Variants in TEX35 observed in about 807,000 individuals in gnomAD.
The protein encoded by TEX35 is testis expressed 35, also known as testis-expressed protein 35.
Under a neutral mutation model 31.9 loss-of-function variants are expected in TEX35, and 26 were observed. The observed-to-expected ratio is 0.81, with a 90% CI of 0.60 to 1.13. The LOEUF is 1.13. TEX35 is among the 50% of genes most tolerant of loss of function. The probability of loss-of-function intolerance (pLI) is 0.00; values close to 1 mark genes in which losing one functional copy is unlikely to be tolerated. For missense variants in TEX35, 278 were observed against 273.5 expected (o/e 1.02, Z -0.12); for synonymous variants, 87 against 90.7 (o/e 0.96, Z 0.23).
rs752447514 is a variant in TEX35, at chr1:178,514,760, G to A, written c.151G>A (p.Asp51Asn). 10 of 1,613,708 alleles carry A rather than the reference G, an allele frequency of 6.2e-6. No individual in the cohort carries two copies. The South Asian group carries it at 7.7e-5, about 12-fold the overall frequency. Residue 51 changes from aspartate (D) to asparagine (N), a missense_variant, in exon 3 of 9, where the codon GAC becomes AAC. Coordinates refer to ENST00000319416, the MANE Select transcript of TEX35 (RefSeq NM_032126.5). The part of the protein sequence containing the change: ...GRFTKAGVTQ[D>N]LKNELREVRE... ...GTTTACCAAAGCAGGAGTGACACAG[G>A]ACCTAAAGGTGAGTGCGTGAACTTG...
At chr1:178,514,302 G>A in intron 2 of TEX35, 1 of 1,428,848 alleles carries the variant, frequency 7.0e-7, no homozygotes, top group Non-Finnish European at 9.3e-7. Flanking sequence ...TGGGAATCAA[G>A]ACAGGGAGAC....
At chr1:178,514,577 C>T in intron 2 of TEX35, 123 bp from the exon 3 acceptor site, 1 of 937,236 alleles carries the variant, frequency 1.1e-6, no homozygotes, top group Non-Finnish European at 1.6e-6. Context: ...GGTGGGGCCA[C>T]CAGCTTTCCT....
intron 8 of TEX35, 88 bp downstream of exon 8, chr1:178,521,352 C>T: frequency 2.1e-6 from 3 of 1,453,400 alleles, no homozygotes; most frequent in Admixed American, 1.7e-5. Flanking sequence ...ATTCACATCA[C>T]ACCCCTCCTG....
Position 178,522,465 on chromosome 1 carries a change from G to C in TEX35, c.*25G>C. ...AAGCTTAACTGCCAGCTTGAAATGA[G>C]AGTAAAGAAGATACAGAGCAAACAG... On this transcript the variant is annotated 3_prime_UTR_variant, in exon 9 of 9. Transcript: ENST00000319416. 1 of 1,563,618 alleles carries C rather than the reference G, an allele frequency of 6.4e-7. No homozygotes were observed. Among genetic ancestry groups the C allele is most frequent in the Non-Finnish European group, 8.7e-7 (1 of 1,152,074 alleles).
chr1:178,515,842 C>T lies in TEX35; in HGVS notation c.160-17C>T. ...GATATTTCTTTCCTCCTTCTCTTCT[C>T]CATTTTATTTCCTCAGAATGAACTC... On this transcript the variant is annotated splice_polypyrimidine_tract_variant and intron_variant, in intron 3 of 8. Coordinates refer to ENST00000319416, the MANE Select transcript of TEX35 (RefSeq NM_032126.5). 6.2e-6 allele frequency: 10 copies of T among 1,603,948 alleles called. No homozygotes were observed. The highest frequency in any genetic ancestry group is 8.5e-6 in the Non-Finnish European group (10 of 1,172,786).
chr1:178,515,411 C>T (rs899608657), intron 3 of TEX35, among the ~76,000 whole-genome samples: 1 of 151,528 alleles, frequency 6.6e-6, no homozygotes, highest in Non-Finnish European at 1.5e-5. Flanking sequence ...GGGACATTGA[C>T]ATTTTTACAG....
chr1:178,516,124 G>T (rs539310792), intron 4 of TEX35, among the ~76,000 whole-genome samples: 1 of 152,204 alleles, frequency 6.6e-6, no homozygotes, highest in East Asian at 1.9e-4. Flanking sequence ...ACTCCCTAAA[G>T]TGTCTCTTTG....
At position 178,514,295 on chromosome 1, in the gene TEX35, G is replaced by A. The variant is rs1649989703; in HGVS notation, c.90+218G>A. The stretch of plus-strand genomic sequence containing the variant: ...TCAGCAGTGTTACCTGCTCTGCTGG[G>A]AATCAAGACAGGGAGACATGTCTGA... On this transcript the variant is annotated intron_variant, in intron 2 of 8. Coordinates refer to ENST00000319416, the MANE Select transcript of TEX35 (RefSeq NM_032126.5). 4 of 1,444,094 alleles carry A rather than the reference G, an allele frequency of 2.8e-6. No homozygotes were observed. In the South Asian group the frequency reaches 4.3e-5, roughly 16 times the overall value. The allele number at this position is 1,444,094 out of a possible 1,614,324, so 89.5% of individuals were successfully genotyped here.
rs1650247543 is a variant in TEX35, at chr1:178,520,880, T to C, written c.543+6T>C. On this transcript the variant is annotated splice_donor_region_variant and intron_variant, in intron 7 of 8. Transcript: ENST00000319416. ...ATCACTGTGGGACCTGCTGCGTAAGTGAAACCCTGCCCGAGCCCAGCACTG... is the reference window on the plus strand; with the variant it reads ...ATCACTGTGGGACCTGCTGCGTAAGCGAAACCCTGCCCGAGCCCAGCACTG... 1.2e-6 allele frequency: 2 copies of C among 1,613,944 alleles called. No individual in the cohort carries two copies. The highest frequency in any genetic ancestry group is 1.7e-6 in the Non-Finnish European group (2 of 1,180,004).
intron 8 of TEX35, chr1:178,521,466 A>G: frequency 9.9e-7 from 1 of 1,013,246 alleles, no homozygotes; most frequent in East Asian, 2.6e-5. Context: ...CCCAGCCTAG[A>G]GGCTGCTGCC....
chr1:178,514,160 A>G (rs747079642), intron 2 of TEX35, 83 bp downstream of exon 2: 4 of 1,609,964 alleles, frequency 2.5e-6, no homozygotes, highest in Non-Finnish European at 3.4e-6. Flanking sequence ...TCATTTGCTG[A>G]TCCTAGTGGC....
intron 8 of TEX35, chr1:178,521,966 C>A: frequency 1.1e-6 from 1 of 918,924 alleles, no homozygotes; most frequent in Non-Finnish European, 1.6e-6. Context: ...TAGGGTCCTC[C>A]CAACCACCAC....
chr1:178,516,016 A>G (rs905210043), intron 4 of TEX35, 101 bp downstream of exon 4: 37 of 945,590 alleles, frequency 3.9e-5, no homozygotes, highest in Non-Finnish European at 5.7e-5. Flanking sequence ...AATTGCATGG[A>G]AAAATGTAAC....
At chr1:178,518,745 A>T (rs562087967) in intron 5 of TEX35, among the ~76,000 whole-genome samples, 2 of 152,336 alleles carry the variant, frequency 1.3e-5, no homozygotes, top group African/African-American at 4.8e-5. Flanking sequence ...TACAAAGGGC[A>T]TGCATTAATT....
At chr1:178,521,366 T>C in intron 8 of TEX35, 102 bp downstream of exon 8, 1 of 1,360,900 alleles carries the variant, frequency 7.3e-7, no homozygotes, top group East Asian at 2.3e-5. Flanking sequence ...CCTCCTGAGG[T>C]TGTGCCAGGA....
At chr1:178,515,538 C>T (rs988576183) in intron 3 of TEX35, among the ~76,000 whole-genome samples, 2 of 152,032 alleles carry the variant, frequency 1.3e-5, no homozygotes, top group Non-Finnish European at 2.9e-5. Context: ...CTGTAGGTCC[C>T]ACTATCTTAT....
At chr1:178,517,308 T>C (rs967248180) in intron 5 of TEX35, among the ~76,000 whole-genome samples, 1 of 152,204 alleles carries the variant, frequency 6.6e-6, no homozygotes, top group Non-Finnish European at 1.5e-5. Flanking sequence ...CTCAACAGCC[T>C]CTCTGCCTGG....
chr1:178,520,231 G>A (rs1650214885), intron 5 of TEX35, 141 bp from the exon 6 acceptor site: 1 of 731,274 alleles, frequency 1.4e-6, no homozygotes, highest in Non-Finnish European at 2.3e-6. Flanking sequence ...ACATGTCACG[G>A]ACACTCCAAA....
chr1:178,514,358 C>G (rs189121797), intron 2 of TEX35, among the ~76,000 whole-genome samples: 1 of 152,232 alleles, frequency 6.6e-6, no homozygotes, highest in Admixed American at 6.5e-5. Flanking sequence ...AAAGGCCTTC[C>G]TTTGAGCTGA....
Sources: allele counts gnomAD v4.1 joint callset (sites outside exome capture counted in the v4.1 genomes callset), GRCh38; gene constraint gnomAD v4.1.1; transcripts MANE v1.5; gene names NCBI Gene and HGNC (gene_info 2026-07-23, HGNC 2026-07-21).